Variants in MYBBP1A observed in about 807,000 individuals in gnomAD.
MYBBP1A encodes the protein MYB binding protein 1a.
In MYBBP1A, 147 loss-of-function variants were observed where a neutral mutation model predicts 136.3. That is an observed-to-expected ratio of 1.08 (90% confidence interval 0.94 to 1.24). The LOEUF (loss-of-function observed/expected upper bound fraction) is 1.24, where lower values mean the gene tolerates loss of function less well. MYBBP1A is among the 50% of genes most tolerant of loss of function. The probability of loss-of-function intolerance (pLI) is 0.00; values close to 1 mark genes in which losing one functional copy is unlikely to be tolerated. For missense variants in MYBBP1A, 2,060 were observed against 1,727.4 expected (o/e 1.19, Z -3.41); for synonymous variants, 947 against 735.8 (o/e 1.29, Z -4.65).
chr17:4,541,629 C>T (rs1263155713), intron 23 of MYBBP1A, 65 bp from the exon 24 acceptor site: 12 of 1,557,576 alleles, frequency 7.7e-6, no homozygotes, highest in East Asian at 6.7e-5. Context: ...GTTTCCCAGC[C>T]GGAAGTAAAG....
chr17:4,539,702 C>A lies in MYBBP1A; in HGVS notation c.3700G>T (p.Ala1234Ser). 1.2e-6 allele frequency: 2 copies of A among 1,609,470 alleles called. No homozygotes were observed. Among genetic ancestry groups the A allele is most frequent in the South Asian group, 2.2e-5 (2 of 90,956 alleles). ...GGGCTCCGGGTGGGGGCGCCAGGGG[C>A]TGGACTCTTGGTGGTTGGCGTCCCG... ...ANGTPTTKSPAPGAPTRSPST... is the reference protein window; with the variant it reads ...ANGTPTTKSPSPGAPTRSPST... Residue 1234 changes from alanine to serine, a missense_variant, in exon 26 of 26, where the codon GCC (alanine) becomes TCC (serine). Ala to Ser is a moderately conservative substitution (Grantham distance 99). Transcript: ENST00000254718.
chr17:4,550,874 CTT>C (rs1597387949), intron 8 of MYBBP1A, among the ~76,000 whole-genome samples: 1 of 152,280 alleles, frequency 6.6e-6, no homozygotes, highest in African/African-American at 2.4e-5. Context: ...TTTAGCAACT[CTT>C]TGCGGTTGGC....
Position 4,553,834 on chromosome 17 carries a change from C to A in MYBBP1A, c.537G>T (p.Lys179Asn), listed in dbSNP as rs1197554800. The change falls in exon 5 of 26, where the codon AAG becomes AAT. Residue 179 changes from lysine (K) to asparagine (N), a missense_variant. Coordinates refer to ENST00000254718, the MANE Select transcript of MYBBP1A (RefSeq NM_014520.4). ...YQNHLQEQPR[K>N]ALVDILSEVS... ...CCTCGGAGAGGATGTCCACCAGGGC[C>A]TTCCGGGGCTGCTCCTGCAAGTGGT... The A allele has an allele frequency of 1.9e-6, 3 of 1,613,982 alleles. No homozygotes were observed. The highest frequency in any genetic ancestry group is 2.5e-6 in the Non-Finnish European group (3 of 1,180,040).
intron 20 of MYBBP1A, 78 bp from the exon 21 acceptor site, chr17:4,542,819 T>G: frequency 6.2e-7 from 1 of 1,600,794 alleles, no homozygotes; most frequent in Non-Finnish European, 8.5e-7. Context: ...CCTACCTTCA[T>G]CAGAAGGCTG....
Position 4,539,560 on chromosome 17 carries a change from A to G in MYBBP1A, c.3842T>C (p.Leu1281Pro), listed in dbSNP as rs770104309. ...TTTGCCCAAGACCCCCTTTTTGGGA[A>G]GAGCCTTCTGATGCTGCTTTTGGCC... ...PAGQKQHQKA[L>P]PKKGVLGKSP... The change falls in exon 26 of 26, where the codon CTT (leucine) becomes CCT (proline). Residue 1281 changes from leucine (L) to proline (P), a missense_variant. Physicochemically the swap from Leu to Pro is moderately conservative, Grantham distance 98. Transcript: ENST00000254718. The G allele has an allele frequency of 1.9e-6, 3 of 1,614,088 alleles. No homozygotes were observed. The highest frequency in any genetic ancestry group is 2.5e-6 in the Non-Finnish European group (3 of 1,180,000).
chr17:4,542,824 A>G (rs2144433699), intron 20 of MYBBP1A, 83 bp from the exon 21 acceptor site: 1 of 1,601,280 alleles, frequency 6.2e-7, no homozygotes, highest in Non-Finnish European at 8.5e-7. Flanking sequence ...CTTCATCAGA[A>G]GGCTGAGGGT....
At chr17:4,551,826 A>G (rs969922460) in intron 8 of MYBBP1A, 54 bp downstream of exon 8, 2 of 1,518,940 alleles carry the variant, frequency 1.3e-6, no homozygotes, top group African/African-American at 2.7e-5. Context: ...TTTGGCAGGG[A>G]GAGCTCCACG....
chr17:4,551,564 C>T (rs1216524121), intron 8 of MYBBP1A, among the ~76,000 whole-genome samples: 1 of 152,202 alleles, frequency 6.6e-6, no homozygotes, highest in Non-Finnish European at 1.5e-5. Context: ...CAAAAATTAG[C>T]TGGGCGTGGT....
In MYBBP1A at chr17:4,543,068, G is replaced by C; in HGVS notation, c.2737C>G (p.Arg913Gly). 6.2e-7 allele frequency: 1 copy of C among 1,613,204 alleles called. No individual in the cohort carries two copies. The highest frequency in any genetic ancestry group is 2.2e-5 in the East Asian group (1 of 44,868). Reference protein sequence around the residue: ...QVERLVQQAGRQPDSPTALYH... With the variant: ...QVERLVQQAGGQPDSPTALYH... ...AGGGCGGTGGGGGAGTCGGGCTGGC[G>C]GCCAGCCTGCTGCACCAACCGCTCC... The change falls in exon 20 of 26, where the codon CGC becomes GGC. Residue 913 changes from arginine (R) to glycine (G), a missense_variant. Physicochemically the swap from Arg to Gly is moderately radical, Grantham distance 125. Coordinates refer to ENST00000254718, the MANE Select transcript of MYBBP1A (RefSeq NM_014520.4).
intron 2 of MYBBP1A, 112 bp from the exon 3 acceptor site, chr17:4,554,390 C>T: frequency 1.2e-6 from 1 of 854,000 alleles, no homozygotes; most frequent in Non-Finnish European, 1.9e-6. Context: ...AGCCTCAGGT[C>T]CCTAGTCCCA....
At chr17:4,549,978 G>T in intron 9 of MYBBP1A, 80 bp downstream of exon 9, 1 of 1,464,932 alleles carries the variant, frequency 6.8e-7, no homozygotes, top group Non-Finnish European at 9.3e-7. Context: ...ACGCTGTGGA[G>T]GGCGGGCTTG....
intron 13 of MYBBP1A, 64 bp downstream of exon 13, chr17:4,547,894 G>C: frequency 5.3e-6 from 7 of 1,330,532 alleles, no homozygotes; most frequent in Non-Finnish European, 7.0e-6. Context: ...AAAGCCTCTC[G>C]GTAGGGGGCC....
Position 4,541,834 on chromosome 17 carries a change from C to T in MYBBP1A, c.3145G>A (p.Asp1049Asn). Reference sequence around the variant, plus strand: ...CCCATCAGCTGCTTCCACTCGGGGTCCTCAAAGCACGACCTCACCTCCCGC... The same window carrying T: ...CCCATCAGCTGCTTCCACTCGGGGTTCTCAAAGCACGACCTCACCTCCCGC... ...SMREVRSCFE[D>N]PEWKQLMGQV... Residue 1049 changes from aspartate to asparagine, a missense_variant, in exon 23 of 26, where the codon GAC becomes AAC. By Grantham distance (23) the Asp-to-Asn change is conservative. Coordinates refer to ENST00000254718, the MANE Select transcript of MYBBP1A (RefSeq NM_014520.4). 6.2e-7 allele frequency: 1 copy of T among 1,614,118 alleles called. No individual in the cohort carries two copies. The highest frequency in any genetic ancestry group is 8.5e-7 in the Non-Finnish European group (1 of 1,180,024).
At chr17:4,542,793 T>G (rs758900317) in intron 20 of MYBBP1A, 52 bp from the exon 21 acceptor site, 1 of 1,605,574 alleles carries the variant, frequency 6.2e-7, no homozygotes, top group African/African-American at 1.3e-5. Flanking sequence ...GTCCCTGGGA[T>G]GGGAGCAGAG....
Position 4,549,400 on chromosome 17 carries a change from A to G in MYBBP1A, c.1362T>C (p.Phe454=), listed in dbSNP as rs1326084792. Residue 454 remains phenylalanine, a synonymous_variant, in exon 10 of 26, where the codon TTT becomes TTC. Coordinates refer to ENST00000254718, the MANE Select transcript of MYBBP1A (RefSeq NM_014520.4). ...GGCTGTCCACAATGCTCACCAATCG[A>G]AAGATGATCCATTTCCTCAGCCGGA... ...AVFRLRKWII[F]RLVSIVDSLH... 32 of 1,613,208 alleles carry G rather than the reference A, an allele frequency of 2.0e-5. No homozygotes were observed. Among genetic ancestry groups the G allele is most frequent in the Non-Finnish European group, 2.5e-5 (29 of 1,179,968 alleles).
In MYBBP1A at chr17:4,540,831, C is replaced by T. The variant is rs558009109; in HGVS notation, c.3298-347G>A. Among the ~76,000 whole-genome samples, 5 of 151,930 alleles carry T rather than the reference C, an allele frequency of 3.3e-5. No individual in the cohort carries two copies. In the South Asian group the frequency reaches 1.0e-3, roughly 32 times the overall value. ...AGCGCTTCCCCACCCAACCCTGCCA[C>T]CTTCCTGCACATCCTGAATGGGTTA... On this transcript the variant is annotated intron_variant, in intron 24 of 25. Transcript: ENST00000254718.
chr17:4,550,466 G>T, intron 8 of MYBBP1A, 113 bp from the exon 9 acceptor site: 1 of 1,247,520 alleles, frequency 8.0e-7, no homozygotes, highest in South Asian at 1.4e-5. Flanking sequence ...CAGCCCGGGG[G>T]CAGGCGGGCA....
At position 4,545,255 on chromosome 17, in the gene MYBBP1A, A is replaced by G. The variant is rs1906896640; in HGVS notation, c.2160+4T>C. Reference sequence around the variant, plus strand: ...CGCCCCCGCCCGGCCCATGCTGGCAACACCTCTGCACCCTTCAGCCGCCGC... The same window carrying G: ...CGCCCCCGCCCGGCCCATGCTGGCAGCACCTCTGCACCCTTCAGCCGCCGC... On this transcript the variant is annotated splice_donor_region_variant and intron_variant, in intron 16 of 25. Transcript: ENST00000254718. 1 of 1,611,666 alleles carries G rather than the reference A, an allele frequency of 6.2e-7. No individual in the cohort carries two copies. The highest frequency in any genetic ancestry group is 8.5e-7 in the Non-Finnish European group (1 of 1,179,630).
At chr17:4,554,751 CCT>C in intron 2 of MYBBP1A, 108 bp downstream of exon 2, 2 of 1,056,200 alleles carry the variant, frequency 1.9e-6, no homozygotes, top group South Asian at 1.5e-5. Context: ...CCACTCCCGA[CCT>C]CTCTCTCGGG....
Sources: gnomAD v4.1 joint callset for allele counts (sites outside exome capture counted in the v4.1 genomes callset) on GRCh38, gnomAD v4.1.1 for gene constraint, MANE v1.5 for transcripts, NCBI Gene and HGNC (gene_info 2026-07-23, HGNC 2026-07-21) for gene names.